Variants in ADAMTS2 observed in about 807,000 individuals in gnomAD.
The protein encoded by ADAMTS2 is ADAM metallopeptidase with thrombospondin type 1 motif 2, also known as A disintegrin and metalloproteinase with thrombospondin motifs 2.
ADAMTS2 carries 50 observed loss-of-function variants against 123.0 expected under a neutral mutation model. That is an observed-to-expected ratio of 0.41 (90% CI 0.32 to 0.51). The LOEUF is 0.51. ADAMTS2 is among the 20% of genes least tolerant of loss of function. ADAMTS2 has a pLI of 0.35. For synonymous variants in ADAMTS2, 678 were observed against 695.4 expected (o/e 0.98, Z 0.39); for missense variants, 1,494 against 1,705.2 (o/e 0.88, Z 2.18).
intron 2 of ADAMTS2, among the ~76,000 whole-genome samples, chr5:179,299,363 G>A (rs28567504): frequency 0.5 from 1,470 of 2,950 alleles, 523 homozygotes; most frequent in East Asian, 0.97. Context: ...TCCTGTCTCT[G>A]CTAAATATAC....
intron 7 of ADAMTS2, 83 bp from the exon 8 acceptor site, chr5:179,154,275 C>T (rs2113253029): frequency 6.6e-7 from 1 of 1,521,578 alleles, no homozygotes; most frequent in Non-Finnish European, 8.8e-7. Flanking sequence ...AGGAGGGTGC[C>T]CCATCTTTCC....
At chr5:179,209,669 C>T (rs1156914879) in intron 3 of ADAMTS2, among the ~76,000 whole-genome samples, 6 of 152,256 alleles carry the variant, frequency 3.9e-5, no homozygotes, top group East Asian at 3.9e-4. Context: ...GGCAGGCCTG[C>T]GGGCAGGGCT....
Position 179,130,394 on chromosome 5 carries a change from A to G in ADAMTS2, c.2291-296T>C, listed in dbSNP as rs1407493770. 6.6e-6 allele frequency among the ~76,000 whole-genome samples: 1 copy of G among 151,764 alleles called. No individual in the cohort carries two copies. The highest frequency in any genetic ancestry group is 6.6e-5 in the Admixed American group (1 of 15,244). On this transcript the variant is annotated intron_variant, in intron 15 of 21. Coordinates refer to ENST00000251582, the MANE Select transcript of ADAMTS2 (RefSeq NM_014244.5). This position sits in a 1 kb window ranked among gnomAD's most constrained non-coding sequence, Gnocchi z 4.3. ...GTAGCCGTCAAGGCCACCTACCCATACCCTATTGGGAGCACTCAGTGGGCG... is the reference window on the plus strand; with the variant it reads ...GTAGCCGTCAAGGCCACCTACCCATGCCCTATTGGGAGCACTCAGTGGGCG...
rs1300129539 is a variant in ADAMTS2 at position 179,317,720 on chromosome 5, T to C, written c.534+26047A>G. On this transcript the variant is annotated intron_variant, in intron 2 of 21. Coordinates refer to ENST00000251582, the MANE Select transcript of ADAMTS2 (RefSeq NM_014244.5). This position sits in a 1 kb window ranked among gnomAD's most constrained non-coding sequence, Gnocchi z 4.9. ...CGCATACATCACCCACACACACACG[T>C]GTACATTTCAGCACGCGTCTAGGGG... Among the ~76,000 whole-genome samples, 2 of 152,108 alleles carry C rather than the reference T, an allele frequency of 1.3e-5. No homozygotes were observed. The highest frequency in any genetic ancestry group is 4.8e-5 in the African/African-American group (2 of 41,416).
Position 179,115,192 on chromosome 5 carries a change from C to T in ADAMTS2, c.3179-868G>A, listed in dbSNP as rs1233507363. Among the ~76,000 whole-genome samples, 3 of 152,190 alleles carry T rather than the reference C, an allele frequency of 2.0e-5. No individual in the cohort carries two copies. The highest frequency in any genetic ancestry group is 7.2e-5 in the African/African-American group (3 of 41,438). On this transcript the variant is annotated intron_variant, in intron 21 of 21. Transcript: ENST00000251582. The surrounding 1 kb of genome is among the most constrained non-coding windows in gnomAD (Gnocchi z 4.4). ...CCACAGAAGCCACCATTATCTCTCA[C>T]TTTCCACCCAGCCATCTTCTCCCTG...
intron 3 of ADAMTS2, among the ~76,000 whole-genome samples, chr5:179,271,627 C>T (rs1447956976): frequency 6.6e-6 from 1 of 152,226 alleles, no homozygotes; most frequent in Non-Finnish European, 1.5e-5. Context: ...AAAGGCTGGG[C>T]AGGCAGTACC....
At chr5:179,267,057 C>T (rs1373581108) in intron 3 of ADAMTS2, among the ~76,000 whole-genome samples, 1 of 152,198 alleles carries the variant, frequency 6.6e-6, no homozygotes, top group Non-Finnish European at 1.5e-5. Flanking sequence ...CCCCACAGCT[C>T]TCTGCCTCCA....
At position 179,312,514 on chromosome 5, in the gene ADAMTS2, A is replaced by C. The variant is rs968562438; in HGVS notation, c.534+31253T>G. Reference sequence around the variant, plus strand: ...TATGCACAGCTTCCAGAACCGTGAGAAATAAGCTTCCGATGCTTTTAAGCC... The same window carrying C: ...TATGCACAGCTTCCAGAACCGTGAGCAATAAGCTTCCGATGCTTTTAAGCC... On this transcript the variant is annotated intron_variant, in intron 2 of 21. Coordinates refer to ENST00000251582, the MANE Select transcript of ADAMTS2 (RefSeq NM_014244.5). The surrounding 1 kb of genome is among the most constrained non-coding windows in gnomAD (Gnocchi z 4.2). 1.3e-5 allele frequency among the ~76,000 whole-genome samples: 2 copies of C among 152,234 alleles called. No individual in the cohort carries two copies. The highest frequency in any genetic ancestry group is 6.5e-5 in the Admixed American group (1 of 15,286).
rs923669502 is a variant in ADAMTS2 at position 179,308,149 on chromosome 5, G to T, written c.535-35085C>A. Among the ~76,000 whole-genome samples, 7 of 152,208 alleles carry T rather than the reference G, an allele frequency of 4.6e-5. No individual in the cohort carries two copies. The highest frequency in any genetic ancestry group is 1.4e-4 in the African/African-American group (6 of 41,446). ...CCGCCTTCTGGAGCGACAACAAGGA[G>T]AAAACAGGGGTTTAAGTGGAGGATC... On this transcript the variant is annotated intron_variant, in intron 2 of 21. Transcript: ENST00000251582. This position sits in a 1 kb window ranked among gnomAD's most constrained non-coding sequence, Gnocchi z 6.6.
chr5:179,190,820 G>A (rs558147586), intron 4 of ADAMTS2, among the ~76,000 whole-genome samples: 21 of 152,366 alleles, frequency 1.4e-4, no homozygotes, highest in African/African-American at 4.1e-4. Context: ...CCTGGGCTTC[G>A]CCCTTACACC....
intron 3 of ADAMTS2, among the ~76,000 whole-genome samples, chr5:179,208,605 G>A (rs777406790): frequency 7.9e-5 from 12 of 152,056 alleles, no homozygotes; most frequent in East Asian, 1.9e-4. Context: ...TGTGTCCTGC[G>A]GGCCTGGAGA....
chr5:179,250,448 G>A (rs1765892165), intron 3 of ADAMTS2, among the ~76,000 whole-genome samples: 1 of 152,210 alleles, frequency 6.6e-6, no homozygotes, highest in Non-Finnish European at 1.5e-5. Flanking sequence ...ATCTAAAGTT[G>A]ACTGTGGTGA....
intron 2 of ADAMTS2, among the ~76,000 whole-genome samples, chr5:179,321,584 C>T (rs528113408): frequency 2.6e-5 from 4 of 152,260 alleles, no homozygotes; most frequent in Admixed American, 6.5e-5. Flanking sequence ...TGGTGGGGGG[C>T]CAAGGAGCAC....
chr5:179,252,389 T>A (rs338877), intron 3 of ADAMTS2, among the ~76,000 whole-genome samples: 120,874 of 152,020 alleles, frequency 0.8, 51,539 homozygotes, highest in East Asian at 1. Context: ...TTTTCTAACT[T>A]CTCACACTGG....
At chr5:179,297,280 A>G (rs1201942468) in intron 2 of ADAMTS2, among the ~76,000 whole-genome samples, 1 of 152,132 alleles carries the variant, frequency 6.6e-6, no homozygotes, top group African/African-American at 2.4e-5. Flanking sequence ...AAAGCAAATG[A>G]GTATTCTTTA....
chr5:179,152,180 C>G lies in ADAMTS2; in HGVS notation c.1591G>C (p.Gly531Arg). The G allele has an allele frequency of 6.2e-7, 1 of 1,614,042 alleles. No homozygotes were observed. Among genetic ancestry groups the G allele is most frequent in the Non-Finnish European group, 8.5e-7 (1 of 1,179,948 alleles). The change falls in exon 10 of 22, where the codon GGG (glycine) becomes CGG (arginine). Residue 531 changes from glycine to arginine, a missense_variant. Gly to Arg is a moderately radical substitution (Grantham distance 125). Around this residue, in one of 6 missense-constraint regions of ADAMTS2, gnomAD observed 953 missense variants for 1,124.7 expected, o/e 0.85. Coordinates refer to ENST00000251582, the MANE Select transcript of ADAMTS2 (RefSeq NM_014244.5). Reference sequence around the variant, plus strand: ...CACATAGTCCCGTCCAAGGGGGGCCCCTTCTTGGTCTTGCAAAAGTAGGGG... The same window carrying G: ...CACATAGTCCCGTCCAAGGGGGGCCGCTTCTTGGTCTTGCAAAAGTAGGGG... ...DNPYFCKTKK[G>R]PPLDGTMCAP...
intron 5 of ADAMTS2, among the ~76,000 whole-genome samples, chr5:179,160,275 A>G (rs1380991576): frequency 1.3e-5 from 2 of 152,178 alleles, no homozygotes; most frequent in Non-Finnish European, 2.9e-5. Flanking sequence ...CCTGGCCAAC[A>G]TGGTGAAACC....
At chr5:179,329,852 C>T (rs529452268) in intron 2 of ADAMTS2, among the ~76,000 whole-genome samples, 65 of 152,252 alleles carry the variant, frequency 4.3e-4, no homozygotes, top group South Asian at 2.9e-3. Flanking sequence ...TCAGGCCGGG[C>T]GTGGTGGCTC....
At chr5:179,198,528 T>C (rs534232972) in intron 4 of ADAMTS2, among the ~76,000 whole-genome samples, 2 of 152,284 alleles carry the variant, frequency 1.3e-5, no homozygotes, top group East Asian at 3.9e-4. Context: ...GGGCTACAGC[T>C]GCGTGTGCTC....
Sources: allele counts gnomAD v4.1 joint callset (sites outside exome capture counted in the v4.1 genomes callset), GRCh38; gene constraint gnomAD v4.1.1; regional missense constraint gnomAD v4.1.1; non-coding constraint Gnocchi (gnomAD v3.1); transcripts MANE v1.5; gene names NCBI Gene and HGNC (gene_info 2026-07-23, HGNC 2026-07-21).